Variants in GLT8D2 observed in about 807,000 individuals in gnomAD.
GLT8D2 encodes glycosyltransferase 8 domain containing 2, also known as glycosyltransferase 8 domain-containing protein 2.
Under a neutral mutation model 44.5 loss-of-function variants are expected in GLT8D2, and 45 were observed. The ratio of observed to expected loss-of-function variants is 1.01; its 90% CI spans 0.80 to 1.30. The LOEUF is 1.30. GLT8D2 is among the 50% of genes most tolerant of loss of function. The pLI, the probability that GLT8D2 is intolerant of heterozygous loss-of-function variation, is 0.00. For synonymous variants in GLT8D2, 156 were observed against 157.2 expected, an observed-to-expected ratio of 0.99 and a Z score of 0.06; for missense variants, 400 against 430.4, an observed-to-expected ratio of 0.93 and a Z score of 0.62.
chr12:103,998,762 G>T (rs1873822336), intron 6 of GLT8D2, among the ~76,000 whole-genome samples: 1 of 151,968 alleles, frequency 6.6e-6, no homozygotes, highest in Non-Finnish European at 1.5e-5. Flanking sequence ...GCCCAAGCTG[G>T]TCTCAAACTT....
chr12:104,014,215 C>T lies in GLT8D2; in HGVS notation c.112+798G>A, dbSNP rs189720554. ...CCATTTCTACAAAAAATTAGCTGGG[C>T]GTGGTGGCACACACCTGTAGTTCCA... On this transcript the variant is annotated intron_variant, in intron 4 of 10. Transcript: ENST00000360814. The T allele has an allele frequency of 3.9e-4, 260 of 672,082 alleles. 1 individual carries two copies. The African/African-American group carries it at 4.1e-3, about 11-fold the overall frequency. 41.6% of individuals were successfully genotyped at this position (672,082 alleles called of 1,614,324 possible). A position where few individuals can be genotyped will look rare whatever the true frequency, so the allele number is the denominator to read the frequency against.
intron 1 of GLT8D2, among the ~76,000 whole-genome samples, chr12:104,038,875 C>G (rs147865561): frequency 0.036 from 5,546 of 152,182 alleles, 342 homozygotes; most frequent in African/African-American, 0.13. Flanking sequence ...GGAGGCATCA[C>G]GCTACCTGAC....
At position 104,009,181 on chromosome 12, in the gene GLT8D2, C is replaced by A. The variant is rs1277850412; in HGVS notation, c.112+5832G>T. Among the ~76,000 whole-genome samples the A allele has an allele frequency of 6.6e-5, 10 of 152,334 alleles. No individual in the cohort carries two copies. In the East Asian group the frequency reaches 1.9e-3, roughly 29 times the overall value. On this transcript the variant is annotated intron_variant, in intron 4 of 10. Transcript: ENST00000360814. ...ACCGTTGCTGGAAAAGCTACAGACACTCAATGCCAGCCCATGAAAGCAGCT... is the reference window on the plus strand; with the variant it reads ...ACCGTTGCTGGAAAAGCTACAGACAATCAATGCCAGCCCATGAAAGCAGCT...
intron 4 of GLT8D2, among the ~76,000 whole-genome samples, chr12:104,009,762 T>C (rs1287722412): frequency 6.6e-6 from 1 of 152,188 alleles, no homozygotes; most frequent in Non-Finnish European, 1.5e-5. Context: ...GGATGGTTTC[T>C]CCCATACTGT....
At chr12:104,029,071 C>T (rs1179037952) in intron 1 of GLT8D2, among the ~76,000 whole-genome samples, 1 of 152,170 alleles carries the variant, frequency 6.6e-6, no homozygotes, top group Non-Finnish European at 1.5e-5. Context: ...GCAGGTGGAT[C>T]ATGAGGTCAA....
intron 8 of GLT8D2, among the ~76,000 whole-genome samples, chr12:103,994,844 T>C (rs1873208504): frequency 6.6e-6 from 1 of 152,114 alleles, no homozygotes; most frequent in Admixed American, 6.5e-5. Context: ...AATGTCTCCT[T>C]TCAGATGCTT....
chr12:104,059,080 T>C (rs986786089), intron 1 of GLT8D2, among the ~76,000 whole-genome samples: 2 of 152,226 alleles, frequency 1.3e-5, no homozygotes, highest in African/African-American at 4.8e-5. Flanking sequence ...AACTTACAAA[T>C]TGCTTATTTC....
chr12:104,062,684 G>C (rs902546595), intron 1 of GLT8D2, among the ~76,000 whole-genome samples: 3 of 150,942 alleles, frequency 2.0e-5, no homozygotes, highest in African/African-American at 4.9e-5. Flanking sequence ...CATCTTGACC[G>C]AGCTGGTCTC....
chr12:104,044,222 C>G (rs1264253612), intron 1 of GLT8D2, among the ~76,000 whole-genome samples: 1 of 152,182 alleles, frequency 6.6e-6, no homozygotes, highest in Non-Finnish European at 1.5e-5. Context: ...GGCTTGCCCC[C>G]TCATGTCTCT....
intron 4 of GLT8D2, 32 bp downstream of exon 4, chr12:104,014,981 A>G (rs748070895): frequency 1.4e-6 from 2 of 1,469,482 alleles, no homozygotes; most frequent in Non-Finnish European, 1.9e-6. Flanking sequence ...ATTCCTGGGT[A>G]TCCCAACTCA....
At chr12:104,038,273 T>C (rs954057499) in intron 1 of GLT8D2, among the ~76,000 whole-genome samples, 23 of 152,130 alleles carry the variant, frequency 1.5e-4, no homozygotes, top group East Asian at 3.9e-4. Flanking sequence ...CTATTCAACA[T>C]AGTGTTGGAA....
intron 4 of GLT8D2, among the ~76,000 whole-genome samples, chr12:104,004,212 C>T (rs1415479680): frequency 6.6e-6 from 1 of 152,090 alleles, no homozygotes; most frequent in African/African-American, 2.4e-5. Flanking sequence ...ATAAATTAGG[C>T]ATTGATGGGA....
chr12:104,054,325 G>T (rs1186863344), upstream of GLT8D2, among the ~76,000 whole-genome samples: 1 of 151,992 alleles, frequency 6.6e-6, no homozygotes, highest in Non-Finnish European at 1.5e-5. Context: ...TTTCATCCAC[G>T]TTGTCAAAAA....
chr12:104,052,561 G>T (rs1881809282), upstream of GLT8D2, among the ~76,000 whole-genome samples: 2 of 152,182 alleles, frequency 1.3e-5, no homozygotes, highest in Admixed American at 6.5e-5. Flanking sequence ...GTAGCGTTAA[G>T]TGGCATGGCA....
chr12:104,016,717 A>G (rs1192363761), intron 3 of GLT8D2, among the ~76,000 whole-genome samples: 240 of 41,166 alleles, frequency 5.8e-3, no homozygotes, highest in Middle Eastern at 8.8e-3. Flanking sequence ...GAGAGAAAGA[A>G]AGAAAGAAAG....
chr12:103,999,463 T>C lies in GLT8D2; in HGVS notation c.336A>G (p.Glu112=). The change falls in exon 6 of 11, where the codon GAA becomes GAG. Residue 112 remains glutamate, a synonymous_variant. Coordinates refer to ENST00000360814, the MANE Select transcript of GLT8D2 (RefSeq NM_001384711.1). ...TCCCTTTGAGGACCATCGGGTTGAATTCCACGATTTTAAAGTTTATTTCTC... is the reference window on the plus strand; with the variant it reads ...TCCCTTTGAGGACCATCGGGTTGAACTCCACGATTTTAAAGTTTATTTCTC... ...KLREINFKIV[E]FNPMVLKGKI... 6.2e-7 allele frequency: 1 copy of C among 1,613,472 alleles called. No homozygotes were observed. Among genetic ancestry groups the C allele is most frequent in the Non-Finnish European group, 8.5e-7 (1 of 1,179,628 alleles).
chr12:103,997,642 G>T (rs2136281964), intron 6 of GLT8D2, 107 bp from the exon 7 acceptor site: 1 of 756,520 alleles, frequency 1.3e-6, no homozygotes, highest in Non-Finnish European at 2.3e-6. Context: ...TCAGCTCCAG[G>T]TTTGGAGCGG....
chr12:104,064,265 G>A (rs986101584), upstream of GLT8D2: 2 of 338,014 alleles, frequency 5.9e-6, no homozygotes, highest in African/African-American at 4.2e-5. This position sits in a 1 kb window ranked among gnomAD's most constrained non-coding sequence, Gnocchi z 7.3. Context: ...CCAAAATACC[G>A]AACGGGAGGC....
At position 104,016,489 on chromosome 12, in the gene GLT8D2, T is replaced by C. The variant is rs1876612249; in HGVS notation, c.20-1384A>G. Among the ~76,000 whole-genome samples, 3 of 151,302 alleles carry C rather than the reference T, an allele frequency of 2.0e-5. No homozygotes were observed. In the South Asian group the frequency reaches 6.3e-4, roughly 32 times the overall value. On this transcript the variant is annotated intron_variant, in intron 3 of 10. Coordinates refer to ENST00000360814, the MANE Select transcript of GLT8D2 (RefSeq NM_001384711.1). ...CCATCTCTACTAAAAATACAAAAAT[T>C]AGCCAGGTGTTGCGCATGCCTGTAG...
Sources: allele counts gnomAD v4.1 joint callset (sites outside exome capture counted in the v4.1 genomes callset), GRCh38; gene constraint gnomAD v4.1.1; non-coding constraint Gnocchi (gnomAD v3.1); transcripts MANE v1.5; gene names NCBI Gene and HGNC (gene_info 2026-07-23, HGNC 2026-07-21).